The following GPC5 variants were observed in gnomAD, a reference collection of about 807,000 sequenced individuals.
The protein encoded by GPC5 is glypican 5.
Under a neutral mutation model 53.9 loss-of-function variants are expected in GPC5, and 47 were observed. The observed-to-expected ratio is 0.87, with a 90% confidence interval of 0.69 to 1.11. The LOEUF is 1.11. GPC5 is among the 50% of genes most tolerant of loss of function. The pLI is 0.00. For missense variants in GPC5, 748 were observed against 713.1 expected (o/e 1.05, Z -0.56); for synonymous variants, 286 against 263.3 (o/e 1.09, Z -0.84).
intron 7 of GPC5, among the ~76,000 whole-genome samples, chr13:92,376,230 G>A (rs1473684316): frequency 5.3e-5 from 8 of 152,138 alleles, no homozygotes. Flanking sequence ...TTTTATAATA[G>A]CATCTTTTAT....
chr13:92,252,242 T>C (rs1358468908), intron 7 of GPC5, among the ~76,000 whole-genome samples: 2 of 152,100 alleles, frequency 1.3e-5, no homozygotes, highest in African/African-American at 2.4e-5. Context: ...ATTATGTTAG[T>C]TTTTATTTAT....
chr13:92,269,079 G>A (rs530028336), intron 7 of GPC5, among the ~76,000 whole-genome samples: 10 of 151,992 alleles, frequency 6.6e-5, no homozygotes, highest in South Asian at 4.2e-4. Context: ...ATCAGTAGAC[G>A]TTATTCATAA....
chr13:91,634,689 T>C (rs1005191091), intron 2 of GPC5, among the ~76,000 whole-genome samples: 10 of 152,054 alleles, frequency 6.6e-5, no homozygotes, highest in Non-Finnish European at 8.8e-5. Flanking sequence ...TACTGGAGCT[T>C]GAAATTAATA....
chr13:92,613,191 C>T (rs986980352), intron 7 of GPC5, among the ~76,000 whole-genome samples: 7 of 140,714 alleles, frequency 5.0e-5, no homozygotes, highest in East Asian at 2.0e-4. Context: ...GGACTGTGTT[C>T]GCAATATATG....
chr13:91,664,487 G>A (rs1267156380), intron 2 of GPC5, among the ~76,000 whole-genome samples: 1 of 152,136 alleles, frequency 6.6e-6, no homozygotes, highest in Non-Finnish European at 1.5e-5. Flanking sequence ...TTTCTGTTTT[G>A]AGTTTTATTT....
At chr13:92,786,105 C>T (rs535535250) in intron 7 of GPC5, among the ~76,000 whole-genome samples, 2 of 149,036 alleles carry the variant, frequency 1.3e-5, no homozygotes, top group African/African-American at 2.5e-5. Context: ...TCTCAAATGT[C>T]GATTAATTTG....
At chr13:92,400,922 TC>T (rs1050134389) in intron 7 of GPC5, among the ~76,000 whole-genome samples, 4 of 107,242 alleles carry the variant, frequency 3.7e-5, no homozygotes, top group South Asian at 3.1e-4. Context: ...TTGGGATGGG[TC>T]TTTTTTTTTT....
chr13:91,701,063 A>G (rs1464509619), intron 3 of GPC5, among the ~76,000 whole-genome samples: 1 of 152,158 alleles, frequency 6.6e-6, no homozygotes, highest in Non-Finnish European at 1.5e-5. Flanking sequence ...TCTTTCCACA[A>G]TTTAATTTAT....
chr13:92,484,053 G>T (rs76150972), intron 7 of GPC5, among the ~76,000 whole-genome samples: 2 of 152,144 alleles, frequency 1.3e-5, no homozygotes, highest in Non-Finnish European at 2.9e-5. Flanking sequence ...TGGGAGGACC[G>T]CTTGAGCCCA....
intron 7 of GPC5, among the ~76,000 whole-genome samples, chr13:92,272,921 T>C (rs557703172): frequency 6.6e-6 from 1 of 152,196 alleles, no homozygotes; most frequent in African/African-American, 2.4e-5. Context: ...TAGAAAGCCA[T>C]ATAGTGGCAA....
intron 6 of GPC5, among the ~76,000 whole-genome samples, chr13:91,953,087 G>C (rs558754658): frequency 1.3e-5 from 2 of 152,248 alleles, no homozygotes; most frequent in Admixed American, 1.3e-4. Context: ...GCCACTAATT[G>C]CAAATGGGAT....
At chr13:92,704,188 A>C (rs1189720250) in intron 7 of GPC5, among the ~76,000 whole-genome samples, 1 of 152,082 alleles carries the variant, frequency 6.6e-6, no homozygotes, top group Non-Finnish European at 1.5e-5. Context: ...TCCAATTTGT[A>C]AAATCTTTCC....
chr13:91,502,138 G>A (rs1291793201), intron 2 of GPC5, among the ~76,000 whole-genome samples: 1 of 151,982 alleles, frequency 6.6e-6, no homozygotes, highest in Non-Finnish European at 1.5e-5. Flanking sequence ...GTAGATTCTG[G>A]ATATTAGCCC....
chr13:92,071,076 A>G (rs1330315120), intron 6 of GPC5, among the ~76,000 whole-genome samples: 1 of 152,084 alleles, frequency 6.6e-6, no homozygotes, highest in African/African-American at 2.4e-5. Flanking sequence ...TCTCTACTAA[A>G]AATACAAAAA....
chr13:92,587,404 T>C (rs971908140), intron 7 of GPC5, among the ~76,000 whole-genome samples: 16 of 152,318 alleles, frequency 1.1e-4, no homozygotes, highest in African/African-American at 2.9e-4. Context: ...TGTGACTCTC[T>C]CAAGGTTTAC....
At chr13:92,439,736 T>G (rs1321657856) in intron 7 of GPC5, among the ~76,000 whole-genome samples, 1 of 152,130 alleles carries the variant, frequency 6.6e-6, no homozygotes, top group Non-Finnish European at 1.5e-5. Context: ...TGTATTTAAT[T>G]TAGTTGACCT....
intron 7 of GPC5, among the ~76,000 whole-genome samples, chr13:92,793,689 T>C (rs1876551386): frequency 6.6e-6 from 1 of 152,032 alleles, no homozygotes; most frequent in South Asian, 2.1e-4. Flanking sequence ...CAATAAAAAA[T>C]GATAAAGGGG....
Position 91,772,374 on chromosome 13 carries a change from T to C in GPC5, c.1280+15954T>C, listed in dbSNP as rs533307257. On this transcript the variant is annotated intron_variant, in intron 5 of 7. Coordinates refer to ENST00000377067, the MANE Select transcript of GPC5 (RefSeq NM_004466.6). ...ACGGCATGTGATGACATTTGGAAAT[T>C]GGCTAGAAATCGTTACTTTGTATCT... Among the ~76,000 whole-genome samples, 9 of 152,290 alleles carry C rather than the reference T, an allele frequency of 5.9e-5. No individual in the cohort carries two copies. The East Asian group carries it at 1.5e-3, about 26-fold the overall frequency.
chr13:91,597,111 T>C (rs892062991), intron 2 of GPC5, among the ~76,000 whole-genome samples: 1 of 152,168 alleles, frequency 6.6e-6, no homozygotes, highest in African/African-American at 2.4e-5. Context: ...AAGACTCCAA[T>C]TGTTTTTTCT....
Sources: allele counts gnomAD v4.1 joint callset (sites outside exome capture counted in the v4.1 genomes callset), GRCh38; gene constraint gnomAD v4.1.1; transcripts MANE v1.5; gene names NCBI Gene and HGNC (gene_info 2026-07-23, HGNC 2026-07-21).